ANLN: variants seen among roughly 807,000 people sequenced by gnomAD.
ANLN encodes anillin.
ANLN carries 59 observed loss-of-function variants against 135.1 expected under a neutral mutation model. The ratio of observed to expected loss-of-function variants is 0.44; its 90% CI spans 0.35 to 0.54. ANLN has a LOEUF of 0.54. Ranked by LOEUF, ANLN falls within the 20% of genes least tolerant of loss-of-function variation. The probability of loss-of-function intolerance (pLI) is 0.00; values close to 1 mark genes in which losing one functional copy is unlikely to be tolerated. For missense variants in ANLN, 1,182 were observed against 1,340.0 expected, an observed-to-expected ratio of 0.88 and a Z score of 1.84; for synonymous variants, 406 against 456.4, an observed-to-expected ratio of 0.89 and a Z score of 1.41.
At chr7:36,444,354 T>G (rs1344134728) in intron 22 of ANLN, among the ~76,000 whole-genome samples, 1 of 152,058 alleles carries the variant, frequency 6.6e-6, no homozygotes, top group African/African-American at 2.4e-5. Context: ...CCTTTAAAAT[T>G]TTTATATCCT....
intron 17 of ANLN, 112 bp from the exon 18 acceptor site, chr7:36,425,590 G>A (rs915879847): frequency 1.3e-5 from 10 of 771,936 alleles, no homozygotes; most frequent in Admixed American, 9.3e-5. Context: ...CACTGCTCCC[G>A]GCTAAGAATT....
intron 11 of ANLN, 55 bp downstream of exon 11, chr7:36,420,369 A>C (rs923319765): frequency 4.5e-6 from 7 of 1,570,246 alleles, no homozygotes; most frequent in Non-Finnish European, 6.1e-6. Flanking sequence ...TTAGATTGAC[A>C]TAAGTCGTGT....
chr7:36,448,656 C>T (rs1239306790), intron 22 of ANLN, among the ~76,000 whole-genome samples: 3 of 151,916 alleles, frequency 2.0e-5, no homozygotes, highest in Admixed American at 1.3e-4. Context: ...TAGCATTTGG[C>T]GGCTTATATA....
intron 22 of ANLN, among the ~76,000 whole-genome samples, chr7:36,445,920 G>A (rs1388254954): frequency 1.3e-5 from 2 of 152,160 alleles, no homozygotes; most frequent in Non-Finnish European, 2.9e-5. Context: ...TATGATAGAT[G>A]TGAAATATAC....
intron 12 of ANLN, 84 bp from the exon 13 acceptor site, chr7:36,421,773 A>G: frequency 7.7e-7 from 1 of 1,303,892 alleles, no homozygotes; most frequent in Non-Finnish European, 1.0e-6. Flanking sequence ...AAACTATCCA[A>G]TCAAGTTAGT....
In ANLN at chr7:36,406,212, A is replaced by G; in HGVS notation, c.519A>G (p.Pro173=). The G allele has an allele frequency of 5.0e-6, 8 of 1,610,476 alleles. No individual in the cohort carries two copies. The highest frequency in any genetic ancestry group is 6.8e-6 in the Non-Finnish European group (8 of 1,177,018). Residue 173 remains proline, a synonymous_variant, in exon 4 of 24, where the codon CCA becomes CCG. Transcript: ENST00000265748. ...DDIPESSLFS[P]MPSEEKAASP... ...TTCCTGAAAGCTCACTCTTCTCACCAATGCCATCAGAGGAAAAGGCTGCTT... is the reference window on the plus strand; with the variant it reads ...TTCCTGAAAGCTCACTCTTCTCACCGATGCCATCAGAGGAAAAGGCTGCTT...
At chr7:36,450,266 T>G (rs1432687472) in intron 23 of ANLN, among the ~76,000 whole-genome samples, 1 of 152,194 alleles carries the variant, frequency 6.6e-6, no homozygotes, top group Non-Finnish European at 1.5e-5. Context: ...GGATGGAGAT[T>G]AACAGAATAA....
At chr7:36,440,261 G>A (rs1424206980) in intron 21 of ANLN, among the ~76,000 whole-genome samples, 3 of 152,210 alleles carry the variant, frequency 2.0e-5, no homozygotes, top group East Asian at 3.9e-4. Context: ...AAGGAGGGAA[G>A]CCTCAGAGGA....
In ANLN at chr7:36,410,629, A is replaced by T; in HGVS notation, c.1212A>T (p.Thr404=). ...PHRTPIITPN[T]KAIQERLFKQ... ...GAACCCCCATTATTACTCCAAATACAAAGGCCATCCAAGAAAGATTATTCA... is the reference window on the plus strand; with the variant it reads ...GAACCCCCATTATTACTCCAAATACTAAGGCCATCCAAGAAAGATTATTCA... Residue 404 remains threonine, a synonymous_variant, in exon 6 of 24, where the codon ACA becomes ACT. Transcript: ENST00000265748. 6.2e-7 allele frequency: 1 copy of T among 1,614,192 alleles called. No individual in the cohort carries two copies. The highest frequency in any genetic ancestry group is 8.5e-7 in the Non-Finnish European group (1 of 1,180,024).
chr7:36,403,343 C>G (rs1424267583), intron 3 of ANLN: 1 of 152,124 alleles, frequency 6.6e-6, no homozygotes, highest in Admixed American at 6.5e-5. Flanking sequence ...GCAATTTCAA[C>G]TTCACATATG....
intron 4 of ANLN, 43 bp from the exon 5 acceptor site, chr7:36,407,691 G>T: frequency 7.1e-7 from 1 of 1,399,084 alleles, no homozygotes; most frequent in South Asian, 1.2e-5. Context: ...ACTATTTTTA[G>T]ATATTGTGAA....
chr7:36,420,579 G>A lies in ANLN; in HGVS notation c.2016-18G>A, dbSNP rs1787834799. On this transcript the variant is annotated intron_variant, in intron 11 of 23. Transcript: ENST00000265748. The stretch of plus-strand genomic sequence containing the variant: ...TGTGTTGCTGGATTTCTAATAGAGT[G>A]TAACTTACCTCTTGAAGCATTGATG... 1 of 1,602,348 alleles carries A rather than the reference G, an allele frequency of 6.2e-7. No homozygotes were observed. Among genetic ancestry groups the A allele is most frequent in the Non-Finnish European group, 8.5e-7 (1 of 1,169,764 alleles).
chr7:36,422,916 A>G, intron 14 of ANLN, 107 bp downstream of exon 14: 1 of 1,084,224 alleles, frequency 9.2e-7, no homozygotes, highest in Non-Finnish European at 1.3e-6. Flanking sequence ...CAAAGTTTGT[A>G]TCTTTGGCCT....
rs183326906 is a variant in ANLN, at chr7:36,413,942, C to T, written c.1396-1816C>T. On this transcript the variant is annotated intron_variant, in intron 7 of 23. Coordinates refer to ENST00000265748, the MANE Select transcript of ANLN (RefSeq NM_018685.5). ...CTGGGAGTCGGAGGTTGCAGTGAGC[C>T]GAGATCGCACCACTGCACTCCAGTC... 3.7e-4 allele frequency among the ~76,000 whole-genome samples: 56 copies of T among 151,450 alleles called. 1 individual carries two copies. The South Asian group carries it at 8.6e-3, about 23-fold the overall frequency.
At chr7:36,447,007 A>C (rs1789030064) in intron 22 of ANLN, among the ~76,000 whole-genome samples, 1 of 152,198 alleles carries the variant, frequency 6.6e-6, no homozygotes, top group Non-Finnish European at 1.5e-5. Context: ...CAAGACCGCC[A>C]GTGAATGCAT....
chr7:36,398,555 T>C (rs971134164), intron 2 of ANLN, among the ~76,000 whole-genome samples: 9 of 152,240 alleles, frequency 5.9e-5, no homozygotes, highest in Non-Finnish European at 1.2e-4. Flanking sequence ...TTTTATTTAC[T>C]ATTGTCTTAA....
At position 36,452,634 on chromosome 7, in the gene ANLN, G is replaced by T; in HGVS notation, c.*34G>T. The T allele has an allele frequency of 1.2e-6, 2 of 1,607,668 alleles. No homozygotes were observed. Among genetic ancestry groups the T allele is most frequent in the South Asian group, 2.2e-5 (2 of 90,628 alleles). ...ATTTCCATGCTATCTAGAGGTTTTTGATGTCATCTTAAGAAACACACTTAA... is the reference window on the plus strand; with the variant it reads ...ATTTCCATGCTATCTAGAGGTTTTTTATGTCATCTTAAGAAACACACTTAA... On this transcript the variant is annotated 3_prime_UTR_variant, in exon 24 of 24. Transcript: ENST00000265748.
intron 3 of ANLN, among the ~76,000 whole-genome samples, chr7:36,403,253 A>C (rs1787037590): frequency 6.6e-6 from 1 of 152,310 alleles, no homozygotes; most frequent in African/African-American, 2.4e-5. Flanking sequence ...GGGAGAAGGG[A>C]GGAAGAGGTC....
chr7:36,431,633 T>TATATATATATATATATATA (rs1788334910), intron 20 of ANLN, among the ~76,000 whole-genome samples: 2 of 136,546 alleles, frequency 1.5e-5, no homozygotes, highest in African/African-American at 2.7e-5. Flanking sequence ...TATATATATA[T>TATATATATATATATATATA]TACCATTTTA....
Sources: gnomAD v4.1 joint callset for allele counts (sites outside exome capture counted in the v4.1 genomes callset) on GRCh38, gnomAD v4.1.1 for gene constraint, MANE v1.5 for transcripts, NCBI Gene and HGNC (gene_info 2026-07-23, HGNC 2026-07-21) for gene names.